FLVCR2: variants seen among roughly 807,000 people sequenced by gnomAD.
FLVCR2 encodes FLVCR choline and putative heme transporter 2, also known as choline/ethanolamine transporter FLVCR2.
A neutral mutation model predicts 48.9 loss-of-function variants in FLVCR2; 38 were observed. That is an observed-to-expected ratio of 0.78 (90% CI 0.60 to 1.02). FLVCR2 has a LOEUF of 1.02. Among genes scored for constraint, FLVCR2 ranks in the 50% least tolerant of loss-of-function variants. The pLI, the probability that FLVCR2 is intolerant of heterozygous loss-of-function variation, is 0.00. For missense variants in FLVCR2, 664 were observed against 663.3 expected, an observed-to-expected ratio of 1.00 and a Z score of -0.01; for synonymous variants, 255 against 257.0, an observed-to-expected ratio of 0.99 and a Z score of 0.07.
chr14:75,586,344 G>T (rs1888748698), intron 1 of FLVCR2, among the ~76,000 whole-genome samples: 1 of 152,162 alleles, frequency 6.6e-6, no homozygotes, highest in Non-Finnish European at 1.5e-5. Flanking sequence ...ACATTGATCA[G>T]TTAGGGTGGG....
chr14:75,583,531 G>A (rs1888664416), intron 1 of FLVCR2, among the ~76,000 whole-genome samples: 2 of 152,108 alleles, frequency 1.3e-5, no homozygotes, highest in Admixed American at 1.3e-4. Context: ...TTAAGGTGGG[G>A]GGATACGAGA....
intron 1 of FLVCR2, chr14:75,605,728 TC>T: frequency 9.1e-7 from 1 of 1,100,138 alleles, no homozygotes; most frequent in Non-Finnish European, 1.3e-6. Context: ...CGATTGCTTC[TC>T]CAGAGAGGAG....
intron 1 of FLVCR2, among the ~76,000 whole-genome samples, chr14:75,585,276 T>G (rs915850523): frequency 6.6e-6 from 1 of 152,208 alleles, no homozygotes; most frequent in African/African-American, 2.4e-5. Context: ...GTCAGGCACC[T>G]CAGACCATTT....
chr14:75,635,037 T>G, intron 5 of FLVCR2, 24 bp downstream of exon 5: 1 of 1,457,872 alleles, frequency 6.9e-7, no homozygotes, highest in Non-Finnish European at 9.6e-7. Context: ...CCTCTTGGAC[T>G]GAGAATTGGG....
At chr14:75,645,977 G>T (rs1351105620) in intron 9 of FLVCR2, among the ~76,000 whole-genome samples, 1 of 151,122 alleles carries the variant, frequency 6.6e-6, no homozygotes, top group East Asian at 1.9e-4. Flanking sequence ...AGTGGGGGTT[G>T]TTGGAAATTC....
In FLVCR2 at chr14:75,579,019, T is replaced by C. The variant is rs2287015; in HGVS notation, c.47T>C (p.Val16Ala). ...CAGGAAGAGAGCGATGACACCCCTG[T>C]GCCGGAGTCCGCACTCCAAGCGGAC... ...PNQEESDDTP[V>A]PESALQADPS... is the part of the protein sequence containing the mutation. The change falls in exon 1 of 10, where the codon GTG (valine) becomes GCG (alanine). Residue 16 changes from valine (V) to alanine (A), a missense_variant. Physicochemically the swap from Val to Ala is moderately conservative, Grantham distance 64 (BLOSUM62 0). Transcript: ENST00000238667. 432,779 of 1,613,644 alleles carry C rather than the reference T, an allele frequency of 0.27. 69,852 individuals carry two copies. The highest frequency in any genetic ancestry group is 0.67 in the African/African-American group (50,483 of 74,846).
intron 1 of FLVCR2, among the ~76,000 whole-genome samples, chr14:75,583,950 T>TA (rs1888673724): frequency 6.6e-6 from 1 of 152,222 alleles, no homozygotes. Flanking sequence ...CTTCAGCTGC[T>TA]AAGCCGAGGA....
chr14:75,615,951 C>T (rs150187005), intron 1 of FLVCR2, among the ~76,000 whole-genome samples: 11,806 of 136,498 alleles, frequency 0.086, 610 homozygotes, highest in African/African-American at 0.15. Context: ...GGCATGAACC[C>T]GGGAGATGGA....
chr14:75,606,061 C>T, intron 1 of FLVCR2: 1 of 191,792 alleles, frequency 5.2e-6, no homozygotes, highest in Non-Finnish European at 1.1e-5. Flanking sequence ...AGTCTGTCGC[C>T]CAGGCTGGAG....
intron 1 of FLVCR2, among the ~76,000 whole-genome samples, chr14:75,589,984 A>G (rs538691597): frequency 2.4e-4 from 36 of 152,314 alleles, no homozygotes; most frequent in Admixed American, 1.3e-3. Context: ...TGTTGCCATA[A>G]TAATGCCCGA....
chr14:75,607,210 A>T (rs903108538), intron 1 of FLVCR2, among the ~76,000 whole-genome samples: 1 of 152,194 alleles, frequency 6.6e-6, no homozygotes. Context: ...CATGAAAGCT[A>T]AATGAGGCAA....
At chr14:75,584,333 G>A (rs1888684884) in intron 1 of FLVCR2, among the ~76,000 whole-genome samples, 1 of 152,218 alleles carries the variant, frequency 6.6e-6, no homozygotes, top group Admixed American at 6.5e-5. Context: ...AATTCCTGTT[G>A]TGGGGTTTGA....
chr14:75,636,011 T>C (rs1890159648), intron 5 of FLVCR2, among the ~76,000 whole-genome samples: 2 of 152,170 alleles, frequency 1.3e-5, no homozygotes, highest in Admixed American at 1.3e-4. Flanking sequence ...CAGCTGGCCT[T>C]GGAGAAAATC....
At chr14:75,619,011 G>A (rs1440611514) in intron 1 of FLVCR2, among the ~76,000 whole-genome samples, 1 of 152,054 alleles carries the variant, frequency 6.6e-6, no homozygotes, top group African/African-American at 2.4e-5. Flanking sequence ...ATCACTTGAG[G>A]TCAGGAGTTT....
intron 3 of FLVCR2, among the ~76,000 whole-genome samples, chr14:75,629,333 A>C (rs1411649387): frequency 3.9e-5 from 6 of 152,134 alleles, no homozygotes; most frequent in African/African-American, 1.4e-4. Context: ...AAAATCTGGC[A>C]ATTCAGTTTA....
At chr14:75,583,094 A>G (rs1888652940) in intron 1 of FLVCR2, among the ~76,000 whole-genome samples, 1 of 152,212 alleles carries the variant, frequency 6.6e-6, no homozygotes, top group African/African-American at 2.4e-5. Flanking sequence ...GTCCAAGTGA[A>G]AGCGAAGAGA....
intron 3 of FLVCR2, 136 bp from the exon 4 acceptor site, chr14:75,633,493 T>C: frequency 1.3e-6 from 1 of 773,316 alleles, no homozygotes; most frequent in Non-Finnish European, 2.4e-6. Flanking sequence ...CCCTGGAGTT[T>C]TCTTCTCTGA....
At chr14:75,635,122 C>T in intron 5 of FLVCR2, 109 bp downstream of exon 5, 2 of 764,266 alleles carry the variant, frequency 2.6e-6, no homozygotes, top group Non-Finnish European at 2.3e-6. Context: ...AGTGGCCAAG[C>T]AGGTCATTCA....
At chr14:75,629,165 G>C (rs1287066236) in intron 3 of FLVCR2, among the ~76,000 whole-genome samples, 1 of 152,130 alleles carries the variant, frequency 6.6e-6, no homozygotes, top group Non-Finnish European at 1.5e-5. Context: ...CACTCTTAGA[G>C]GTAGGGTTGA....
Sources: allele counts gnomAD v4.1 joint callset (sites outside exome capture counted in the v4.1 genomes callset), GRCh38; gene constraint gnomAD v4.1.1; transcripts MANE v1.5; gene names NCBI Gene and HGNC (gene_info 2026-07-23, HGNC 2026-07-21).